LRP6: variants seen among roughly 807,000 people sequenced by gnomAD.
The protein encoded by LRP6 is low-density lipoprotein receptor-related protein 6.
LRP6 carries 43 observed loss-of-function variants against 184.1 expected under a neutral mutation model. That is an observed-to-expected ratio of 0.23 (90% CI 0.18 to 0.30). The LOEUF is 0.30. LRP6 is among the 10% of genes least tolerant of loss of function. The pLI is 1.00. For missense variants in LRP6, 1,571 were observed against 2,005.3 expected (o/e 0.78, Z 4.14); for synonymous variants, 719 against 684.9 (o/e 1.05, Z -0.78).
chr12:12,226,850 A>C (rs756883650), intron 2 of LRP6: 1 of 152,178 alleles, frequency 6.6e-6, no homozygotes, highest in African/African-American at 2.4e-5. Flanking sequence ...ACACATAATG[A>C]GAATACAGAA....
intron 2 of LRP6, among the ~76,000 whole-genome samples, chr12:12,227,326 T>C (rs1043295757): frequency 2.6e-5 from 4 of 151,396 alleles, no homozygotes; most frequent in African/African-American, 4.9e-5. Flanking sequence ...AGAAAAATAA[T>C]ATAGGTCAAA....
chr12:12,254,143 CAAA>C (rs34210761), intron 1 of LRP6, among the ~76,000 whole-genome samples: 13 of 74,374 alleles, frequency 1.7e-4, no homozygotes, highest in African/African-American at 7.3e-4. Context: ...GACTCTGTCT[CAAA>C]AAAAAAAAAA....
chr12:12,135,032 A>G (rs1239661832), intron 17 of LRP6, 143 bp downstream of exon 17: 2 of 1,145,718 alleles, frequency 1.7e-6, no homozygotes, highest in Non-Finnish European at 1.3e-6. Flanking sequence ...AGAAAAGCCT[A>G]GTACAATACA....
intron 16 of LRP6, among the ~76,000 whole-genome samples, chr12:12,138,063 C>T (rs187155713): frequency 2.0e-5 from 3 of 151,760 alleles, no homozygotes; most frequent in African/African-American, 7.2e-5. Context: ...CCCAGCTACT[C>T]TGGAGGCTGA....
At chr12:12,129,710 G>A (rs577369057) in intron 19 of LRP6, among the ~76,000 whole-genome samples, 5 of 151,988 alleles carry the variant, frequency 3.3e-5, no homozygotes, top group South Asian at 2.1e-4. Context: ...CCGCCACCAC[G>A]CCCAGCTAAT....
At chr12:12,233,924 C>T (rs1477262120) in intron 2 of LRP6, among the ~76,000 whole-genome samples, 2 of 151,954 alleles carry the variant, frequency 1.3e-5, no homozygotes, top group Admixed American at 6.6e-5. Flanking sequence ...TACACTCACA[C>T]AATGGTATAC....
Position 12,148,663 on chromosome 12 carries a change from G to T in LRP6, c.3206+279C>A, listed in dbSNP as rs147769917. Among the ~76,000 whole-genome samples, 48 of 152,000 alleles carry T rather than the reference G, an allele frequency of 3.2e-4. 2 individuals carry two copies. The East Asian group carries it at 8.3e-3, about 26-fold the overall frequency. Reference sequence around the variant, plus strand: ...ACATCTGGCTGGGATGAGGTAGATCGAGGAAAACTTCCTGGAGGACGTGGC... The same window carrying T: ...ACATCTGGCTGGGATGAGGTAGATCTAGGAAAACTTCCTGGAGGACGTGGC... On this transcript the variant is annotated intron_variant, in intron 14 of 22. Transcript: ENST00000261349.
At chr12:12,244,230 T>C (rs1389886588) in intron 2 of LRP6, 32 bp downstream of exon 2, 2 of 1,612,686 alleles carry the variant, frequency 1.2e-6, no homozygotes, top group Non-Finnish European at 1.7e-6. Context: ...AAAGGAGGTA[T>C]GATGATCTTC....
Position 12,118,108 on chromosome 12 carries a change from C to A in LRP6, c.*3018G>T, listed in dbSNP as rs2136817939. 6.6e-6 allele frequency: 1 copy of A among 152,292 alleles called. No homozygotes were observed. Among genetic ancestry groups the A allele is most frequent in the Non-Finnish European group, 1.5e-5 (1 of 68,026 alleles). 9.4% of individuals were successfully genotyped at this position (152,292 alleles called of 1,614,324 possible). Reference sequence around the variant, plus strand: ...AGTAACTACATAATCTTCTGCTAAACAGATATCTTGTGATATGCTGTAAGA... The same window carrying A: ...AGTAACTACATAATCTTCTGCTAAAAAGATATCTTGTGATATGCTGTAAGA... On this transcript the variant is annotated 3_prime_UTR_variant, in exon 23 of 23. Coordinates refer to ENST00000261349, the MANE Select transcript of LRP6 (RefSeq NM_002336.3).
chr12:12,233,766 A>G (rs1352570452), intron 2 of LRP6, among the ~76,000 whole-genome samples: 2 of 152,200 alleles, frequency 1.3e-5, no homozygotes, highest in East Asian at 3.8e-4. Context: ...TGGCATTATG[A>G]TTCTAGAAAA....
intron 2 of LRP6, among the ~76,000 whole-genome samples, chr12:12,214,768 T>G (rs1423677128): frequency 6.6e-6 from 1 of 152,126 alleles, no homozygotes; most frequent in African/African-American, 2.4e-5. Context: ...CCTAGATAGG[T>G]TTTGGATAAA....
intron 8 of LRP6, 124 bp downstream of exon 8, chr12:12,164,955 A>AAAAAAAAAAAAAG (rs1862837941): frequency 7.6e-6 from 4 of 529,276 alleles, no homozygotes; most frequent in Admixed American, 3.3e-5. Flanking sequence ...AAAAAAAAAA[A>AAAAAAAAAAAAAG]GGCGGGGGGG....
intron 17 of LRP6, among the ~76,000 whole-genome samples, chr12:12,133,551 A>G (rs1266420977): frequency 2.0e-5 from 3 of 152,120 alleles, no homozygotes; most frequent in Non-Finnish European, 4.4e-5. Flanking sequence ...CCATGAGCCA[A>G]TTAAACTTTT....
At chr12:12,233,083 T>G (rs1169266919) in intron 2 of LRP6, among the ~76,000 whole-genome samples, 1 of 152,176 alleles carries the variant, frequency 6.6e-6, no homozygotes, top group Non-Finnish European at 1.5e-5. Flanking sequence ...CATGTCAAAA[T>G]GTTAAATCTG....
intron 2 of LRP6, among the ~76,000 whole-genome samples, chr12:12,220,471 T>C (rs1864458270): frequency 6.6e-6 from 1 of 152,220 alleles, no homozygotes; most frequent in Non-Finnish European, 1.5e-5. Flanking sequence ...TGCACAAGAC[T>C]GGTTCTTCTA....
intron 7 of LRP6, among the ~76,000 whole-genome samples, chr12:12,170,791 TCACACACACACACACACA>T (rs10571241): frequency 6.3e-5 from 9 of 142,904 alleles, no homozygotes; most frequent in East Asian, 4.1e-4. Context: ...TAAAATTACT[TCACACACACACACACACA>T]CACACACACA....
intron 2 of LRP6, among the ~76,000 whole-genome samples, chr12:12,222,678 T>A (rs1332753324): frequency 6.6e-6 from 1 of 152,022 alleles, no homozygotes; most frequent in Non-Finnish European, 1.5e-5. Flanking sequence ...CTATATATAC[T>A]ATGTTTTTTC....
chr12:12,260,360 T>TGC (rs781733446), intron 1 of LRP6, among the ~76,000 whole-genome samples: 37 of 146,672 alleles, frequency 2.5e-4, no homozygotes, highest in Non-Finnish European at 3.9e-4. Flanking sequence ...CCTGGGCGAC[T>TGC]GAGCAAGACT....
chr12:12,252,525 G>A (rs958499164), intron 1 of LRP6, among the ~76,000 whole-genome samples: 1 of 152,184 alleles, frequency 6.6e-6, no homozygotes, highest in Non-Finnish European at 1.5e-5. Context: ...TTCTATGAAG[G>A]TATAAAGCTC....
Sources: gnomAD v4.1 joint callset for allele counts (sites outside exome capture counted in the v4.1 genomes callset) on GRCh38, gnomAD v4.1.1 for gene constraint, MANE v1.5 for transcripts, NCBI Gene and HGNC (gene_info 2026-07-23, HGNC 2026-07-21) for gene names.